The following SAMD4B variants were observed in gnomAD, a reference collection of about 807,000 sequenced individuals.
SAMD4B encodes protein Smaug homolog 2.
A neutral mutation model predicts 74.5 loss-of-function variants in SAMD4B; 5 were observed. That is an observed-to-expected ratio of 0.07 (90% CI 0.04 to 0.14). The LOEUF (loss-of-function observed/expected upper bound fraction) is 0.14. Ranked by LOEUF, SAMD4B falls within the 10% of genes least tolerant of loss-of-function variation. The pLI, the probability that SAMD4B is intolerant of heterozygous loss-of-function variation, is 1.00. For missense variants in SAMD4B, 608 were observed against 921.8 expected (o/e 0.66, Z 4.41); for synonymous variants, 373 against 374.9 (o/e 1.00, Z 0.06).
At chr19:39,344,363 C>G (rs2075559913) in intron 1 of SAMD4B, among the ~76,000 whole-genome samples, 1 of 152,142 alleles carries the variant, frequency 6.6e-6, no homozygotes, top group South Asian at 2.1e-4. Flanking sequence ...CAACTGAGAT[C>G]TCTGAAGAGT....
intron 4 of SAMD4B, among the ~76,000 whole-genome samples, chr19:39,372,865 A>G (rs564152409): frequency 6.6e-6 from 1 of 152,140 alleles, no homozygotes; most frequent in Non-Finnish European, 1.5e-5. Context: ...ATGTTCCCCA[A>G]GAGTGCTGAG....
chr19:39,346,176 G>C (rs1308395092), intron 1 of SAMD4B, among the ~76,000 whole-genome samples: 1 of 152,128 alleles, frequency 6.6e-6, no homozygotes, highest in African/African-American at 2.4e-5. Flanking sequence ...AGGGGGCTTG[G>C]GCATGTACAG....
downstream of SAMD4B, chr19:39,390,320 G>A: frequency 6.3e-7 from 1 of 1,593,404 alleles, no homozygotes; most frequent in Non-Finnish European, 8.6e-7. Flanking sequence ...AGTGATAGGT[G>A]GAGAGGACGG....
At chr19:39,389,857 G>C (rs2078335113), downstream of SAMD4B, 1 of 1,517,566 alleles carries the variant, frequency 6.6e-7, no homozygotes, top group East Asian at 2.3e-5. The surrounding 1 kb of genome is among the most constrained non-coding windows in gnomAD (Gnocchi z 5.3). Flanking sequence ...GAGGAACTCA[G>C]AATGAAGTGT....
chr19:39,387,298 G>A, downstream of SAMD4B: 1 of 307,538 alleles, frequency 3.3e-6, no homozygotes, highest in South Asian at 2.8e-5. Flanking sequence ...TAAAGATACG[G>A]TATTCTATCT....
In SAMD4B at chr19:39,385,430, C is replaced by G. The variant is rs1568370985; in HGVS notation, c.*1903C>G. ...ACACAGGGAGGCAAGAGCTGCCCCC[C>G]ACCCCACCTGACAGCAGAGTGTGCA... On this transcript the variant is annotated 3_prime_UTR_variant, in exon 14 of 14. Coordinates refer to ENST00000610417, the MANE Select transcript of SAMD4B (RefSeq NM_001384574.2). 4 of 415,872 alleles carry G rather than the reference C, an allele frequency of 9.6e-6. 1 individual carries two copies. The highest frequency in any genetic ancestry group is 1.7e-5 in the Non-Finnish European group (4 of 235,172). The allele number at this position is 415,872 out of a possible 1,614,324, so 25.8% of individuals were successfully genotyped here.
chr19:39,346,966 A>G (rs778975603), intron 1 of SAMD4B, among the ~76,000 whole-genome samples: 9 of 152,246 alleles, frequency 5.9e-5, no homozygotes, highest in Non-Finnish European at 8.8e-5. Context: ...CATAATTGCA[A>G]TGTTAGAAAA....
chr19:39,380,561 A>C (rs2077904269), intron 10 of SAMD4B, 26 bp from the exon 11 acceptor site: 1 of 1,613,424 alleles, frequency 6.2e-7, no homozygotes, highest in South Asian at 1.1e-5. Flanking sequence ...ATGTAAATTA[A>C]CACCCTGCCT....
At chr19:39,344,184 T>C (rs2145147338) in intron 1 of SAMD4B, among the ~76,000 whole-genome samples, 1 of 152,120 alleles carries the variant, frequency 6.6e-6, no homozygotes, top group South Asian at 2.1e-4. Flanking sequence ...TCCTCTAGAA[T>C]CCCTTGAAGA....
chr19:39,376,438 T>G lies in SAMD4B; in HGVS notation c.909T>G (p.Asp303Glu). Residue 303 changes from aspartate (D) to glutamate (E), a missense_variant and splice_region_variant, in exon 6 of 14, where the codon GAT becomes GAG. Transcript: ENST00000610417. Reference sequence around the variant, plus strand: ...TTCACTCTCCCTCCTTTGCCAAAGATGTGCCCTCATGGCTCAAGAGCCTCC... The same window carrying G: ...TTCACTCTCCCTCCTTTGCCAAAGAGGTGCCCTCATGGCTCAAGAGCCTCC... ...TFQEDGSGMKDVPSWLKSLRL... is the reference protein window; with the variant it reads ...TFQEDGSGMKEVPSWLKSLRL... 3 of 1,610,868 alleles carry G rather than the reference T, an allele frequency of 1.9e-6. No individual in the cohort carries two copies. Among genetic ancestry groups the G allele is most frequent in the Non-Finnish European group, 2.5e-6 (3 of 1,179,260 alleles).
chr19:39,347,678 G>C (rs2075783847), intron 1 of SAMD4B, among the ~76,000 whole-genome samples: 1 of 152,226 alleles, frequency 6.6e-6, no homozygotes. Flanking sequence ...CCAAGACACA[G>C]AACTTTGGAA....
At chr19:39,381,723 C>T (rs897745742) in intron 12 of SAMD4B, among the ~76,000 whole-genome samples, 1 of 152,090 alleles carries the variant, frequency 6.6e-6, no homozygotes, top group Non-Finnish European at 1.5e-5. Context: ...GCAAGTAGAT[C>T]GGTTTGAGAC....
intron 12 of SAMD4B, among the ~76,000 whole-genome samples, chr19:39,381,661 G>T (rs368853941): frequency 6.6e-6 from 1 of 152,188 alleles, no homozygotes; most frequent in African/African-American, 2.4e-5. Flanking sequence ...GTTGGGCCAA[G>T]TGCGGGCACA....
At chr19:39,356,109 A>T (rs2076328587) in intron 2 of SAMD4B, among the ~76,000 whole-genome samples, 2 of 152,084 alleles carry the variant, frequency 1.3e-5, no homozygotes, top group South Asian at 4.1e-4. Flanking sequence ...TACTAATCAG[A>T]TGGCTGGCTG....
At chr19:39,344,717 C>T (rs1007186401) in intron 1 of SAMD4B, among the ~76,000 whole-genome samples, 4 of 152,178 alleles carry the variant, frequency 2.6e-5, no homozygotes, top group South Asian at 4.1e-4. Flanking sequence ...TCTCCAGACT[C>T]GTTGCCCAAG....
At chr19:39,370,236 C>G (rs923190875) in intron 4 of SAMD4B, 111 bp downstream of exon 4, 3 of 1,074,762 alleles carry the variant, frequency 2.8e-6, no homozygotes, top group Admixed American at 2.1e-5. Context: ...AAGCTGTAGG[C>G]CTCAACTTTA....
At chr19:39,380,866 G>C (rs2145860341) in intron 11 of SAMD4B, 81 bp downstream of exon 11, 1 of 1,510,970 alleles carries the variant, frequency 6.6e-7, no homozygotes, top group African/African-American at 1.4e-5. Context: ...TGTATACTCT[G>C]TGTCTGGACC....
chr19:39,356,720 T>C lies in SAMD4B; in HGVS notation c.-174T>C, dbSNP rs985581587. The C allele has an allele frequency of 5.2e-5, 29 of 554,310 alleles. No individual in the cohort carries two copies. Among genetic ancestry groups the C allele is most frequent in the Non-Finnish European group, 8.3e-5 (26 of 313,194 alleles). The allele number at this position is 554,310 out of a possible 1,614,324, so 34.3% of individuals were successfully genotyped here. On this transcript the variant is annotated 5_prime_UTR_variant, in exon 3 of 14. Coordinates refer to ENST00000610417, the MANE Select transcript of SAMD4B (RefSeq NM_001384574.2). Reference sequence around the variant, plus strand: ...GGAGAGGCGTGGCTGGACCAAGACCTCCCCCCATGTGAGCAGGCTTCCTCC... The same window carrying C: ...GGAGAGGCGTGGCTGGACCAAGACCCCCCCCCATGTGAGCAGGCTTCCTCC...
Position 39,383,771 on chromosome 19 carries a change from G to C in SAMD4B, c.*244G>C, listed in dbSNP as rs1331190868. ...GGGCAGCCAGGATAAAGGGGGCAGGGACTGGCCAGACTGCCTGCCTCTCTC... is the reference window on the plus strand; with the variant it reads ...GGGCAGCCAGGATAAAGGGGGCAGGCACTGGCCAGACTGCCTGCCTCTCTC... On this transcript the variant is annotated 3_prime_UTR_variant, in exon 14 of 14. Coordinates refer to ENST00000610417, the MANE Select transcript of SAMD4B (RefSeq NM_001384574.2). This position sits in a 1 kb window ranked among gnomAD's most constrained non-coding sequence, Gnocchi z 4.1. 1 of 1,433,210 alleles carries C rather than the reference G, an allele frequency of 7.0e-7. No homozygotes were observed. The highest frequency in any genetic ancestry group is 2.0e-5 in the Admixed American group (1 of 49,498). 88.8% of individuals were successfully genotyped at this position (1,433,210 alleles called of 1,614,324 possible).
Sources: gnomAD v4.1 joint callset for allele counts (sites outside exome capture counted in the v4.1 genomes callset) on GRCh38, gnomAD v4.1.1 for gene constraint, Gnocchi (gnomAD v3.1) non-coding constraint, MANE v1.5 for transcripts, NCBI Gene and HGNC (gene_info 2026-07-23, HGNC 2026-07-21) for gene names.